TULP4: variants seen among roughly 807,000 people sequenced by gnomAD.
TULP4 encodes the protein TUB like protein 4.
TULP4 carries 16 observed loss-of-function variants against 129.0 expected under a neutral mutation model. The observed-to-expected ratio is 0.12, with a 90% confidence interval of 0.08 to 0.19. TULP4 has a LOEUF of 0.19. TULP4 is among the 10% of genes least tolerant of loss of function. The pLI, the probability that TULP4 is intolerant of heterozygous loss-of-function variation, is 1.00. For synonymous variants in TULP4, 998 were observed against 854.0 expected (o/e 1.17, Z -2.94); for missense variants, 1,842 against 2,059.1 (o/e 0.89, Z 2.04).
chr6:158,282,409 C>T (rs1025270467), intron 1 of TULP4: 1 of 151,818 alleles, frequency 6.6e-6, no homozygotes, highest in Non-Finnish European at 1.5e-5. Flanking sequence ...TATGAATTCC[C>T]TCTAAGAACT....
chr6:158,392,546 C>T (rs935195977), intron 1 of TULP4, among the ~76,000 whole-genome samples: 5 of 152,084 alleles, frequency 3.3e-5, no homozygotes, highest in South Asian at 2.1e-4. Context: ...TGCCATAGCT[C>T]GACCATAGTG....
At chr6:158,290,819 C>G (rs537351218) in intron 1 of TULP4, among the ~76,000 whole-genome samples, 5 of 152,148 alleles carry the variant, frequency 3.3e-5, no homozygotes, top group Non-Finnish European at 5.9e-5. Flanking sequence ...CCTTCCCCCC[C>G]ACATTTGTCA....
intron 1 of TULP4, among the ~76,000 whole-genome samples, chr6:158,324,839 G>A (rs530310515): frequency 2.0e-5 from 3 of 152,246 alleles, no homozygotes; most frequent in Middle Eastern, 3.4e-3. Flanking sequence ...TTGTGTCTGT[G>A]TGTTTTTCTA....
chr6:158,477,023 T>A (rs148015068), intron 6 of TULP4, among the ~76,000 whole-genome samples: 174 of 152,064 alleles, frequency 1.1e-3, no homozygotes, highest in African/African-American at 3.8e-3. Flanking sequence ...TGTGGGAGAG[T>A]AGAACGGATG....
At chr6:158,292,619 A>G (rs139388725) in intron 1 of TULP4, among the ~76,000 whole-genome samples, 10 of 152,312 alleles carry the variant, frequency 6.6e-5, no homozygotes, top group Non-Finnish European at 1.2e-4. Context: ...GTCTTCTACC[A>G]TATAATTATT....
At position 158,380,894 on chromosome 6, in the gene TULP4, C is replaced by CAAAAA. The variant is rs1227720723; in HGVS notation, c.253-32157_253-32153dup. On this transcript the variant is annotated intron_variant, in intron 1 of 13. Transcript: ENST00000367097. ...GGGCGACAGAGCAAGACTCTGTCTC[C>CAAAAA]AAAAAAAAAAAAAAAAAAGAAGAAG... 1.6e-3 allele frequency among the ~76,000 whole-genome samples: 114 copies of CAAAAA among 72,248 alleles called. 4 individuals are homozygous for CAAAAA. The highest frequency in any genetic ancestry group is 5.8e-3 in the African/African-American group (102 of 17,586). 47.4% of individuals were successfully genotyped at this position (72,248 alleles called of 152,430 possible). A position where few individuals can be genotyped will look rare whatever the true frequency, so the allele number is the denominator to read the frequency against.
At chr6:158,272,810 G>A (rs1458879483) in intron 1 of TULP4, among the ~76,000 whole-genome samples, 1 of 152,208 alleles carries the variant, frequency 6.6e-6, no homozygotes, top group East Asian at 1.9e-4. Context: ...TTAGGTTTGT[G>A]TAACTTTACT....
intron 1 of TULP4, among the ~76,000 whole-genome samples, chr6:158,389,983 T>G (rs1777546548): frequency 6.6e-6 from 1 of 151,398 alleles, no homozygotes; most frequent in South Asian, 2.1e-4. Context: ...TGGGTTCAAG[T>G]GATTCTCCTG....
Position 158,452,134 on chromosome 6 carries a change from A to T in TULP4, c.725A>T (p.Asp242Val). 6.2e-7 allele frequency: 1 copy of T among 1,613,608 alleles called. No individual in the cohort carries two copies. The highest frequency in any genetic ancestry group is 8.5e-7 in the Non-Finnish European group (1 of 1,179,788). ...TDSDDYAPPQ[D>V]GPAAYPIPVQ... ...TCACTTGGCACTTGTGTTCCTGCAG[A>T]TGGTCCGGCAGCATATCCCATCCCA... The change falls in exon 5 of 14, where the codon GAT becomes GTT. Residue 242 changes from aspartate (D) to valine (V), a missense_variant and splice_region_variant. Asp to Val is a radical substitution (Grantham distance 152, BLOSUM62 -3). This residue lies in a region of TULP4 where 456 missense variants were observed against 534.3 expected (regional missense o/e 0.85). Coordinates refer to ENST00000367097, the MANE Select transcript of TULP4 (RefSeq NM_020245.5).
chr6:158,458,231 A>C (rs1267331492), intron 5 of TULP4, among the ~76,000 whole-genome samples: 3 of 152,094 alleles, frequency 2.0e-5, no homozygotes. Context: ...TTGTTAATAC[A>C]AAAGAACTAA....
intron 1 of TULP4, among the ~76,000 whole-genome samples, chr6:158,327,017 C>T (rs1367230971): frequency 2.6e-5 from 4 of 152,150 alleles, no homozygotes; most frequent in South Asian, 2.1e-4. Flanking sequence ...TTTGGGTATA[C>T]GTGCACAGTC....
intron 2 of TULP4, among the ~76,000 whole-genome samples, chr6:158,418,587 C>A (rs909250318): frequency 5.9e-5 from 9 of 152,046 alleles, no homozygotes; most frequent in African/African-American, 2.2e-4. Flanking sequence ...GACAATATAG[C>A]AAGACCTCAT....
At chr6:158,321,804 T>A (rs965392964) in intron 1 of TULP4, among the ~76,000 whole-genome samples, 3 of 152,228 alleles carry the variant, frequency 2.0e-5, no homozygotes, top group African/African-American at 7.2e-5. Context: ...GACTCAACAA[T>A]CTATGTTAAG....
At chr6:158,457,753 G>A (rs1013122542) in intron 5 of TULP4, among the ~76,000 whole-genome samples, 4 of 151,908 alleles carry the variant, frequency 2.6e-5, no homozygotes, top group African/African-American at 9.7e-5. Flanking sequence ...TTCTCTTTTT[G>A]TCATTTCATT....
chr6:158,299,471 C>T (rs1236719573), intron 1 of TULP4, among the ~76,000 whole-genome samples: 3 of 152,090 alleles, frequency 2.0e-5, no homozygotes, highest in Non-Finnish European at 4.4e-5. Context: ...TCCTATTACT[C>T]CCCCTTTCAT....
intron 1 of TULP4, among the ~76,000 whole-genome samples, chr6:158,241,592 G>C (rs1777913228): frequency 6.6e-6 from 1 of 151,960 alleles, no homozygotes; most frequent in Non-Finnish European, 1.5e-5. Flanking sequence ...AACCAGTCAG[G>C]CGTGAAATTG....
intron 1 of TULP4, among the ~76,000 whole-genome samples, chr6:158,261,944 A>G (rs563705329): frequency 1.7e-3 from 256 of 152,250 alleles, no homozygotes; most frequent in Non-Finnish European, 3.0e-3. Context: ...CTTTCCTGGA[A>G]GCTCCCTCTT....
At position 158,343,134 on chromosome 6, in the gene TULP4, C is replaced by A. The variant is rs536206379; in HGVS notation, c.252+28866C>A. 5.9e-5 allele frequency among the ~76,000 whole-genome samples: 9 copies of A among 152,082 alleles called. No individual in the cohort carries two copies. In the South Asian group the frequency reaches 1.9e-3, roughly 32 times the overall value. On this transcript the variant is annotated intron_variant, in intron 1 of 13. Coordinates refer to ENST00000367097, the MANE Select transcript of TULP4 (RefSeq NM_020245.5). Reference sequence around the variant, plus strand: ...GTAGGAGTTGTGCATGCTTGGAGCCCTGTGTGAGCGCGCCTGGGCTCTGTA... The same window carrying A: ...GTAGGAGTTGTGCATGCTTGGAGCCATGTGTGAGCGCGCCTGGGCTCTGTA...
chr6:158,445,549 C>G (rs371363126), intron 3 of TULP4, among the ~76,000 whole-genome samples: 11 of 152,118 alleles, frequency 7.2e-5, no homozygotes, highest in African/African-American at 2.7e-4. Flanking sequence ...TACTGGGAGA[C>G]AGGCACGCAA....
Sources: gnomAD v4.1 joint callset for allele counts (sites outside exome capture counted in the v4.1 genomes callset) on GRCh38, gnomAD v4.1.1 for gene constraint, gnomAD v4.1.1 regional missense constraint, MANE v1.5 for transcripts, NCBI Gene and HGNC (gene_info 2026-07-23, HGNC 2026-07-21) for gene names.